The following SOBP variants were observed in gnomAD, a reference collection of about 807,000 sequenced individuals.
The protein encoded by SOBP is sine oculis-binding protein homolog.
Under a neutral mutation model 53.6 loss-of-function variants are expected in SOBP, and 4 were observed. That is an observed-to-expected ratio of 0.07 (90% CI 0.04 to 0.17). SOBP has a LOEUF of 0.17. SOBP is among the 10% of genes least tolerant of loss of function. SOBP has a pLI of 1.00. For missense variants in SOBP, 1,088 were observed against 1,204.7 expected (o/e 0.90, Z 1.43); for synonymous variants, 584 against 522.6 (o/e 1.12, Z -1.60).
At chr6:107,505,981 A>C (rs1481610083) in intron 2 of SOBP, among the ~76,000 whole-genome samples, 1 of 152,216 alleles carries the variant, frequency 6.6e-6, no homozygotes, top group African/African-American at 2.4e-5. Flanking sequence ...GGAATTTTAC[A>C]GTGCTAAAAT....
intron 3 of SOBP, chr6:107,511,699 G>A (rs903114231): frequency 1.3e-5 from 2 of 152,090 alleles, no homozygotes; most frequent in Admixed American, 6.6e-5. Flanking sequence ...TTACTTCTGG[G>A]CCTGGAGAAC....
chr6:107,525,822 C>T (rs1161252487), intron 3 of SOBP, among the ~76,000 whole-genome samples: 1 of 152,148 alleles, frequency 6.6e-6, no homozygotes, highest in Non-Finnish European at 1.5e-5. Context: ...AGACATGGAC[C>T]CTGCTCTCAC....
intron 5 of SOBP, among the ~76,000 whole-genome samples, chr6:107,594,045 A>G (rs914424271): frequency 1.3e-5 from 2 of 152,192 alleles, no homozygotes; most frequent in African/African-American, 2.4e-5. Flanking sequence ...AAAAAATAGT[A>G]TAGTGTTGTA....
At chr6:107,520,432 A>C (rs1337417836) in intron 3 of SOBP, among the ~76,000 whole-genome samples, 2 of 152,218 alleles carry the variant, frequency 1.3e-5, no homozygotes, top group Non-Finnish European at 2.9e-5. Context: ...TTAATGGCAG[A>C]ACCAGGACCA....
At chr6:107,533,189 A>G (rs1261627661) in intron 3 of SOBP, among the ~76,000 whole-genome samples, 17 of 135,672 alleles carry the variant, frequency 1.3e-4, no homozygotes, top group Non-Finnish European at 2.6e-4. Context: ...TTTTTAAACC[A>G]GGCTAAGAAG....
rs1335590612 is a variant in SOBP, at chr6:107,634,941, C to T, written c.2097C>T (p.Ser699=). Residue 699 remains serine (S), a synonymous_variant, in exon 6 of 7, where the codon AGC becomes AGT. Coordinates refer to ENST00000317357, the MANE Select transcript of SOBP (RefSeq NM_018013.4). The surrounding 1 kb of genome is among the most constrained non-coding windows in gnomAD (Gnocchi z 4.5). ...TCGGCRDGHC[S]PPAAGDPGPG... Reference sequence around the variant, plus strand: ...GCGGCTGCAGGGACGGCCACTGCAGCCCGCCCGCCGCCGGCGACCCAGGCC... The same window carrying T: ...GCGGCTGCAGGGACGGCCACTGCAGTCCGCCCGCCGCCGGCGACCCAGGCC... 1.4e-5 allele frequency: 15 copies of T among 1,080,612 alleles called. No homozygotes were observed. The highest frequency in any genetic ancestry group is 1.7e-5 in the African/African-American group (1 of 59,056). 66.9% of individuals were successfully genotyped at this position (1,080,612 alleles called of 1,614,324 possible).
At chr6:107,497,614 TA>T (rs886224614) in intron 1 of SOBP, among the ~76,000 whole-genome samples, 7 of 151,830 alleles carry the variant, frequency 4.6e-5, no homozygotes, top group South Asian at 2.1e-4. Flanking sequence ...ATAGTTTTTA[TA>T]AAAAAAAGTC....
chr6:107,532,241 TCACACACACACACACA>T (rs10525191), intron 3 of SOBP, among the ~76,000 whole-genome samples: 2 of 139,740 alleles, frequency 1.4e-5, no homozygotes, highest in Admixed American at 7.4e-5. Flanking sequence ...TCTCTCTCTC[TCACACACACACACACA>T]CACACACACA....
At chr6:107,538,444 A>G (rs1332667883) in intron 4 of SOBP, among the ~76,000 whole-genome samples, 1 of 152,254 alleles carries the variant, frequency 6.6e-6, no homozygotes, top group African/African-American at 2.4e-5. Context: ...AGCTCAGGCC[A>G]CATACTTGCT....
chr6:107,498,553 A>G (rs1782755458), intron 1 of SOBP, among the ~76,000 whole-genome samples: 1 of 152,174 alleles, frequency 6.6e-6, no homozygotes, highest in Non-Finnish European at 1.5e-5. Flanking sequence ...GTTCAATCAA[A>G]AATCACGTAG....
At chr6:107,541,001 G>A (rs1259382617) in intron 4 of SOBP, among the ~76,000 whole-genome samples, 1 of 152,128 alleles carries the variant, frequency 6.6e-6, no homozygotes, top group African/African-American at 2.4e-5. Flanking sequence ...TGTTCTAACA[G>A]GTAGTGTCTT....
At chr6:107,603,297 G>A (rs1786253452) in intron 5 of SOBP, among the ~76,000 whole-genome samples, 1 of 152,172 alleles carries the variant, frequency 6.6e-6, no homozygotes, top group Non-Finnish European at 1.5e-5. Flanking sequence ...ATGGAGAATG[G>A]GTGTCAGTGG....
At chr6:107,622,206 G>A (rs757917038) in intron 5 of SOBP, among the ~76,000 whole-genome samples, 110 of 152,248 alleles carry the variant, frequency 7.2e-4, no homozygotes, top group Non-Finnish European at 1.3e-3. Flanking sequence ...GAAGGTAGAC[G>A]GGGTGCCAGA....
At chr6:107,649,184 A>C (rs1365230296) in intron 6 of SOBP, among the ~76,000 whole-genome samples, 2 of 150,234 alleles carry the variant, frequency 1.3e-5, no homozygotes, top group Admixed American at 6.6e-5. Context: ...AAAAAAAAAA[A>C]AAAAAACCAT....
chr6:107,540,502 G>T (rs1050091065), intron 4 of SOBP, among the ~76,000 whole-genome samples: 1 of 152,220 alleles, frequency 6.6e-6, no homozygotes, highest in African/African-American at 2.4e-5. Context: ...TGCACACAGT[G>T]GAATCTAATG....
intron 4 of SOBP, among the ~76,000 whole-genome samples, chr6:107,577,547 G>A (rs1785267571): frequency 6.6e-6 from 1 of 152,182 alleles, no homozygotes; most frequent in Non-Finnish European, 1.5e-5. Flanking sequence ...CCGAATGCCA[G>A]GAATACAGGA....
At chr6:107,649,464 A>G (rs1222282116) in intron 6 of SOBP, among the ~76,000 whole-genome samples, 1 of 152,076 alleles carries the variant, frequency 6.6e-6, no homozygotes, top group African/African-American at 2.4e-5. Flanking sequence ...GTGACAGAGC[A>G]AGACCCTGTC....
chr6:107,554,040 G>A (rs1174275885), intron 4 of SOBP, among the ~76,000 whole-genome samples: 2 of 152,174 alleles, frequency 1.3e-5, no homozygotes, highest in African/African-American at 2.4e-5. Context: ...AATGGAGGTT[G>A]GGACAGGTGG....
chr6:107,560,689 A>C (rs181774788), intron 4 of SOBP, among the ~76,000 whole-genome samples: 54 of 152,242 alleles, frequency 3.5e-4, no homozygotes, highest in Admixed American at 3.2e-3. Context: ...TTTACAGGGG[A>C]GGCAACTGAG....
Sources: allele counts gnomAD v4.1 joint callset (sites outside exome capture counted in the v4.1 genomes callset), GRCh38; gene constraint gnomAD v4.1.1; non-coding constraint Gnocchi (gnomAD v3.1); transcripts MANE v1.5; gene names NCBI Gene and HGNC (gene_info 2026-07-23, HGNC 2026-07-21).